Variants in ENPP6 observed in about 807,000 individuals in gnomAD.
ENPP6 encodes ectonucleotide pyrophosphatase/phosphodiesterase 6, also known as glycerophosphocholine cholinephosphodiesterase ENPP6.
A neutral mutation model predicts 42.0 loss-of-function variants in ENPP6; 32 were observed. The ratio of observed to expected loss-of-function variants is 0.76; its 90% CI spans 0.58 to 1.02. The LOEUF (loss-of-function observed/expected upper bound fraction) is 1.02, where lower values mean the gene tolerates loss of function less well. ENPP6 is among the 50% of genes least tolerant of loss of function. The pLI, the probability that ENPP6 is intolerant of heterozygous loss-of-function variation, is 0.00. For missense variants in ENPP6, 552 were observed against 566.8 expected (o/e 0.97, Z 0.27); for synonymous variants, 213 against 216.0 (o/e 0.99, Z 0.12).
chr4:184,182,009 T>A (rs978921267), intron 1 of ENPP6, among the ~76,000 whole-genome samples: 5 of 151,828 alleles, frequency 3.3e-5, no homozygotes, highest in African/African-American at 1.2e-4. Context: ...AATCGACAAA[T>A]GAGACCTAAT....
At position 184,194,950 on chromosome 4, in the gene ENPP6, C is replaced by T. The variant is rs115325924; in HGVS notation, c.241+22629G>A. 9.3e-3 allele frequency among the ~76,000 whole-genome samples: 1,422 copies of T among 152,266 alleles called. 19 individuals are homozygous for T. The highest frequency in any genetic ancestry group is 0.032 in the African/African-American group (1,349 of 41,550). On this transcript the variant is annotated intron_variant, in intron 1 of 7. Coordinates refer to ENST00000296741, the MANE Select transcript of ENPP6 (RefSeq NM_153343.4). ...TTCCTAGACCTCAGCAGGAAAAAGACGCCCCACACCTAACCAGCAGTGATC... is the reference window on the plus strand; with the variant it reads ...TTCCTAGACCTCAGCAGGAAAAAGATGCCCCACACCTAACCAGCAGTGATC...
At chr4:184,101,346 GTGTGTA>G (rs1459567065) in intron 6 of ENPP6, among the ~76,000 whole-genome samples, 33 of 111,064 alleles carry the variant, frequency 3.0e-4, no homozygotes, top group Middle Eastern at 4.9e-3. Flanking sequence ...GTGTGTGTGT[GTGTGTA>G]GCACTGGGGT....
intron 2 of ENPP6, among the ~76,000 whole-genome samples, chr4:184,151,329 ACT>A (rs1737021930): frequency 6.6e-6 from 1 of 152,176 alleles, no homozygotes; most frequent in Admixed American, 6.5e-5. Context: ...CAAGAGTGAA[ACT>A]CTGTCAAAAA....
At position 184,217,833 on chromosome 4, in the gene ENPP6, T is replaced by C. The variant is rs971984039; in HGVS notation, c.-14A>G. The C allele has an allele frequency of 2.7e-5, 43 of 1,611,796 alleles. 1 individual carries two copies. Among genetic ancestry groups the C allele is most frequent in the South Asian group, 1.7e-4 (15 of 90,832 alleles). On this transcript the variant is annotated 5_prime_UTR_variant, in exon 1 of 8. Coordinates refer to ENST00000296741, the MANE Select transcript of ENPP6 (RefSeq NM_153343.4). ...CTTCACTGCCATGCTGCCAGGAGCCTGCCAGAGCCCGGCTGGCACAGCTGT... is the reference window on the plus strand; with the variant it reads ...CTTCACTGCCATGCTGCCAGGAGCCCGCCAGAGCCCGGCTGGCACAGCTGT...
intron 2 of ENPP6, among the ~76,000 whole-genome samples, chr4:184,145,325 C>T (rs1736899872): frequency 6.6e-6 from 1 of 152,116 alleles, no homozygotes; most frequent in African/African-American, 2.4e-5. Flanking sequence ...TTCTTTCTTC[C>T]TTCCCTTCCT....
Position 184,110,052 on chromosome 4 carries a change from G to T in ENPP6, c.993+2620C>A, listed in dbSNP as rs552485304. On this transcript the variant is annotated intron_variant, in intron 6 of 7. Coordinates refer to ENST00000296741, the MANE Select transcript of ENPP6 (RefSeq NM_153343.4). ...GAGTACGGGACGGAAGGATTAGGGG[G>T]AGATGGAAGCAGAGCCAGGGGAAGG... Among the ~76,000 whole-genome samples, 10 of 152,308 alleles carry T rather than the reference G, an allele frequency of 6.6e-5. No individual in the cohort carries two copies. The South Asian group carries it at 2.1e-3, about 32-fold the overall frequency.
At chr4:184,129,445 G>A (rs1316672698) in intron 2 of ENPP6, among the ~76,000 whole-genome samples, 1 of 152,052 alleles carries the variant, frequency 6.6e-6, no homozygotes, top group Admixed American at 6.6e-5. Flanking sequence ...TCAACTTATG[G>A]ATCAAGTGAA....
chr4:184,095,917 T>C (rs147309387), intron 7 of ENPP6, among the ~76,000 whole-genome samples: 14 of 152,306 alleles, frequency 9.2e-5, no homozygotes, highest in African/African-American at 2.9e-4. Context: ...TTTGGGGCTC[T>C]GCATATCTGA....
chr4:184,166,638 C>T (rs1213171504), intron 1 of ENPP6, among the ~76,000 whole-genome samples: 1 of 152,208 alleles, frequency 6.6e-6, no homozygotes, highest in Non-Finnish European at 1.5e-5. Flanking sequence ...TAATTAATTA[C>T]TGCATTGAAA....
At chr4:184,143,996 C>G (rs967729851) in intron 2 of ENPP6, among the ~76,000 whole-genome samples, 3 of 152,216 alleles carry the variant, frequency 2.0e-5, no homozygotes, top group African/African-American at 7.2e-5. Context: ...TAACAGCGCC[C>G]TGGATCAGAC....
At chr4:184,204,586 G>A (rs1193852516) in intron 1 of ENPP6, among the ~76,000 whole-genome samples, 1 of 152,212 alleles carries the variant, frequency 6.6e-6, no homozygotes, top group East Asian at 1.9e-4. Flanking sequence ...CTTGGGCTGT[G>A]CTGACCACTG....
intron 2 of ENPP6, among the ~76,000 whole-genome samples, chr4:184,137,558 A>G (rs1282764156): frequency 6.6e-6 from 1 of 152,214 alleles, no homozygotes; most frequent in Non-Finnish European, 1.5e-5. Context: ...CAGTGAGCAC[A>G]CAGTTTTGCT....
At chr4:184,130,154 G>T (rs1188696999) in intron 2 of ENPP6, among the ~76,000 whole-genome samples, 1 of 152,158 alleles carries the variant, frequency 6.6e-6, no homozygotes, top group Admixed American at 6.5e-5. Flanking sequence ...TCTCCAGTTT[G>T]GAATGCGGTT....
At chr4:184,207,946 T>C (rs913151920) in intron 1 of ENPP6, among the ~76,000 whole-genome samples, 2 of 152,204 alleles carry the variant, frequency 1.3e-5, no homozygotes, top group African/African-American at 4.8e-5. Flanking sequence ...CACGTGCGCA[T>C]GCCTGTGTCT....
At chr4:184,195,245 C>T (rs1732776983) in intron 1 of ENPP6, among the ~76,000 whole-genome samples, 1 of 151,896 alleles carries the variant, frequency 6.6e-6, no homozygotes, top group Non-Finnish European at 1.5e-5. Context: ...AGTCTAGTAC[C>T]CAATAGTTAT....
At position 184,090,893 on chromosome 4, in the gene ENPP6, T is replaced by C. The variant is rs1207732233; in HGVS notation, c.*284A>G. ...GGTTGCTGCAGGAGCAGGTCCCTGCTCAGAGAGTTCATCCTGAGTAACGTG... is the reference window on the plus strand; with the variant it reads ...GGTTGCTGCAGGAGCAGGTCCCTGCCCAGAGAGTTCATCCTGAGTAACGTG... On this transcript the variant is annotated 3_prime_UTR_variant, in exon 8 of 8. Transcript: ENST00000296741. The C allele has an allele frequency of 2.3e-6, 1 of 443,104 alleles. No homozygotes were observed. The highest frequency in any genetic ancestry group is 3.9e-6 in the Non-Finnish European group (1 of 253,816). The allele number at this position is 443,104 out of a possible 1,614,324, so 27.4% of individuals were successfully genotyped here.
At chr4:184,119,787 T>G (rs561105239) in intron 3 of ENPP6, among the ~76,000 whole-genome samples, 101 of 152,216 alleles carry the variant, frequency 6.6e-4, no homozygotes, top group African/African-American at 2.4e-3. Context: ...TCCCATGAGA[T>G]CTGATGGTTT....
chr4:184,167,115 TTTTC>T (rs1291979182), intron 1 of ENPP6, among the ~76,000 whole-genome samples: 1 of 152,178 alleles, frequency 6.6e-6, no homozygotes, highest in Non-Finnish European at 1.5e-5. Flanking sequence ...TTAGGATAGC[TTTTC>T]TTTCTTTATT....
rs142932176 is a variant in ENPP6 at position 184,093,296 on chromosome 4, A to G, written c.1118-1914T>C. 4.6e-5 allele frequency among the ~76,000 whole-genome samples: 7 copies of G among 152,290 alleles called. No homozygotes were observed. In the East Asian group the frequency reaches 1.4e-3, roughly 29 times the overall value. ...GGAGGGTTTACTTTTCTTCAGGGGC[A>G]TGGAGGATAAGGGTCAGCTTCTCCT... On this transcript the variant is annotated intron_variant, in intron 7 of 7. Coordinates refer to ENST00000296741, the MANE Select transcript of ENPP6 (RefSeq NM_153343.4).
Sources: gnomAD v4.1 joint callset for allele counts (sites outside exome capture counted in the v4.1 genomes callset) on GRCh38, gnomAD v4.1.1 for gene constraint, MANE v1.5 for transcripts, NCBI Gene and HGNC (gene_info 2026-07-23, HGNC 2026-07-21) for gene names.